The following JARID2 variants were observed in gnomAD, a reference collection of about 807,000 sequenced individuals.
JARID2 encodes jumonji and AT-rich interaction domain containing 2, also known as protein Jumonji.
A neutral mutation model predicts 125.6 loss-of-function variants in JARID2; 21 were observed. The ratio of observed to expected loss-of-function variants is 0.17; its 90% CI spans 0.12 to 0.24. The LOEUF is 0.24. Ranked by LOEUF, JARID2 falls within the 10% of genes least tolerant of loss-of-function variation. The pLI, the probability that JARID2 is intolerant of heterozygous loss-of-function variation, is 1.00. For missense variants in JARID2, 1,303 were observed against 1,639.6 expected, an observed-to-expected ratio of 0.79 and a Z score of 3.55; for synonymous variants, 736 against 661.6, an observed-to-expected ratio of 1.11 and a Z score of -1.73.
intron 1 of JARID2, among the ~76,000 whole-genome samples, chr6:15,292,774 C>T (rs907673365): frequency 1.3e-5 from 2 of 152,204 alleles, no homozygotes; most frequent in Non-Finnish European, 2.9e-5. Flanking sequence ...GTTAAGTGAT[C>T]GTCCACTTCA....
chr6:15,473,588 G>C (rs1447414763), intron 5 of JARID2, among the ~76,000 whole-genome samples: 2 of 148,530 alleles, frequency 1.3e-5, no homozygotes, highest in African/African-American at 5.0e-5. Context: ...AGAGGGGGGT[G>C]GTGTGATCGT....
chr6:15,399,734 C>A (rs1033465520), intron 2 of JARID2, among the ~76,000 whole-genome samples: 1 of 152,142 alleles, frequency 6.6e-6, no homozygotes, highest in Admixed American at 6.5e-5. Flanking sequence ...AGAAGGTCCT[C>A]GTTAGATGGT....
At chr6:15,437,670 CAAAG>C (rs1212356008) in intron 3 of JARID2, among the ~76,000 whole-genome samples, 3 of 151,686 alleles carry the variant, frequency 2.0e-5, no homozygotes, top group African/African-American at 7.3e-5. Context: ...GTTGAGTTCA[CAAAG>C]AAATGTGACT....
At chr6:15,249,829 C>T (rs1759371568) in intron 1 of JARID2, among the ~76,000 whole-genome samples, 1 of 152,108 alleles carries the variant, frequency 6.6e-6, no homozygotes, top group Admixed American at 6.5e-5. Flanking sequence ...CAGTGTAATC[C>T]TGTCTTAATT....
intron 1 of JARID2, among the ~76,000 whole-genome samples, chr6:15,351,872 C>T (rs558436262): frequency 4.6e-5 from 7 of 152,118 alleles, no homozygotes; most frequent in East Asian, 1.9e-4. Context: ...CTCCACTCCC[C>T]GCTTCCCTCT....
intron 4 of JARID2, 60 bp from the exon 5 acceptor site, chr6:15,468,482 C>T: frequency 2.1e-6 from 3 of 1,434,422 alleles, no homozygotes; most frequent in Non-Finnish European, 1.9e-6. Flanking sequence ...TGTGGTGTTC[C>T]TTCTGGAAAG....
chr6:15,473,386 A>G (rs1376358525), intron 5 of JARID2, among the ~76,000 whole-genome samples: 2 of 152,142 alleles, frequency 1.3e-5, no homozygotes, highest in African/African-American at 4.8e-5. Flanking sequence ...AAACGTCAGA[A>G]GACATTCAGG....
chr6:15,349,184 G>GATA (rs1763345587), intron 1 of JARID2, among the ~76,000 whole-genome samples: 1 of 152,196 alleles, frequency 6.6e-6, no homozygotes, highest in Non-Finnish European at 1.5e-5. Context: ...TGATGTGGTA[G>GATA]ATAGGTCCTG....
At chr6:15,275,173 AGGTTCAAGAG>A in intron 1 of JARID2, among the ~76,000 whole-genome samples, 1 of 152,326 alleles carries the variant, frequency 6.6e-6, no homozygotes, top group South Asian at 2.1e-4. Context: ...TTCTGGGCTC[AGGTTCAAGAG>A]TGGAGAAACC....
intron 3 of JARID2, among the ~76,000 whole-genome samples, chr6:15,449,615 C>T (rs968311308): frequency 6.6e-6 from 1 of 152,006 alleles, no homozygotes; most frequent in South Asian, 2.1e-4. Flanking sequence ...CTGTAGTGAG[C>T]TATGATAGCG....
chr6:15,456,898 T>TTTTTTTTTTA (rs60705526), intron 4 of JARID2, among the ~76,000 whole-genome samples: 1 of 149,620 alleles, frequency 6.7e-6, no homozygotes, highest in Non-Finnish European at 1.5e-5. Context: ...TTTTTTTTTT[T>TTTTTTTTTTA]ACAATCATAA....
At chr6:15,329,377 A>G (rs1762632846) in intron 1 of JARID2, among the ~76,000 whole-genome samples, 1 of 152,112 alleles carries the variant, frequency 6.6e-6, no homozygotes, top group Non-Finnish European at 1.5e-5. Flanking sequence ...GGTAGGGTTT[A>G]TAGGGAGAGT....
At chr6:15,252,258 T>C (rs1759485855) in intron 1 of JARID2, among the ~76,000 whole-genome samples, 1 of 152,086 alleles carries the variant, frequency 6.6e-6, no homozygotes, top group Admixed American at 6.5e-5. Flanking sequence ...AAAAAAACCG[T>C]AATTAAAAGT....
chr6:15,368,561 G>A lies in JARID2; in HGVS notation c.46-5556G>A, dbSNP rs77803068. ...ATGTATATTTAATTCTGGTTGTTGGGTTTTAAAGAGAAGTCATCCCAAGTT... is the reference window on the plus strand; with the variant it reads ...ATGTATATTTAATTCTGGTTGTTGGATTTTAAAGAGAAGTCATCCCAAGTT... On this transcript the variant is annotated intron_variant, in intron 1 of 17. Transcript: ENST00000341776. The A allele has an allele frequency of 3.6e-3, 1,290 of 359,636 alleles. 15 individuals carry two copies. The highest frequency in any genetic ancestry group is 0.025 in the African/African-American group (1,189 of 46,982). The allele number at this position is 359,636 out of a possible 1,614,324, so 22.3% of individuals were successfully genotyped here. A position where few individuals can be genotyped will look rare whatever the true frequency, so the allele number is the denominator to read the frequency against.
At chr6:15,462,850 A>G (rs903199946) in intron 4 of JARID2, among the ~76,000 whole-genome samples, 1 of 152,278 alleles carries the variant, frequency 6.6e-6, no homozygotes, top group African/African-American at 2.4e-5. Flanking sequence ...CCAATTTTAT[A>G]GAAACCACAG....
At chr6:15,446,906 C>G (rs535332184) in intron 3 of JARID2, among the ~76,000 whole-genome samples, 1 of 152,178 alleles carries the variant, frequency 6.6e-6, no homozygotes, top group Non-Finnish European at 1.5e-5. Flanking sequence ...ATAGGTTCGT[C>G]TGCTGCTCCT....
intron 1 of JARID2, among the ~76,000 whole-genome samples, chr6:15,311,534 C>T (rs990406879): frequency 1.3e-5 from 2 of 152,132 alleles, no homozygotes; most frequent in Non-Finnish European, 2.9e-5. Flanking sequence ...GCCGAGATCG[C>T]GCCATTGTAC....
At chr6:15,287,276 A>G (rs900293601) in intron 1 of JARID2, among the ~76,000 whole-genome samples, 6 of 152,244 alleles carry the variant, frequency 3.9e-5, no homozygotes, top group East Asian at 1.9e-4. Context: ...ATTTCCAAAT[A>G]CTTTTTTAAG....
At chr6:15,511,163 G>A (rs1172296705) in intron 12 of JARID2, 133 bp from the exon 13 acceptor site, 3 of 693,740 alleles carry the variant, frequency 4.3e-6, no homozygotes, top group Admixed American at 2.0e-5. Context: ...AGCCAGGCCA[G>A]TGCGCCATCC....
Sources: gnomAD v4.1 joint callset for allele counts (sites outside exome capture counted in the v4.1 genomes callset) on GRCh38, gnomAD v4.1.1 for gene constraint, MANE v1.5 for transcripts, NCBI Gene and HGNC (gene_info 2026-07-23, HGNC 2026-07-21) for gene names.